KCNQ1: variants seen among roughly 807,000 people sequenced by gnomAD.
KCNQ1 encodes the protein potassium voltage-gated channel subfamily Q member 1.
Under a neutral mutation model 72.4 loss-of-function variants are expected in KCNQ1, and 49 were observed. The ratio of observed to expected loss-of-function variants is 0.68; its 90% CI spans 0.54 to 0.86. The LOEUF is 0.86. KCNQ1 is among the 40% of genes least tolerant of loss of function. The probability of loss-of-function intolerance (pLI) is 0.00; values close to 1 mark genes in which losing one functional copy is unlikely to be tolerated. For synonymous variants in KCNQ1, 450 were observed against 412.6 expected, an observed-to-expected ratio of 1.09 and a Z score of -1.10; for missense variants, 790 against 945.1, an observed-to-expected ratio of 0.84 and a Z score of 2.15.
chr11:2,802,053 G>A lies in KCNQ1; in HGVS notation c.1794+24016G>A, dbSNP rs1044625754. ...GGCTGGAGGCGATTTCGCCAGCTGCGGAGCGGGGCGCGGTGGGCACATTCA... is the reference window on the plus strand; with the variant it reads ...GGCTGGAGGCGATTTCGCCAGCTGCAGAGCGGGGCGCGGTGGGCACATTCA... On this transcript the variant is annotated intron_variant, in intron 15 of 15. Coordinates refer to ENST00000155840, the MANE Select transcript of KCNQ1 (RefSeq NM_000218.3). Among the ~76,000 whole-genome samples the A allele has an allele frequency of 1.2e-4, 18 of 152,338 alleles. No individual in the cohort carries two copies. The South Asian group carries it at 1.2e-3, about 11-fold the overall frequency.
chr11:2,554,655 CCT>C (rs1294221057), intron 2 of KCNQ1, among the ~76,000 whole-genome samples: 1 of 152,218 alleles, frequency 6.6e-6, no homozygotes, highest in Admixed American at 6.5e-5. Context: ...TTCTCTGTTT[CCT>C]TCCAGCTTTG....
At position 2,508,199 on chromosome 11, in the gene KCNQ1, C is replaced by T. The variant is rs1279004748; in HGVS notation, c.387-19729C>T. Among the ~76,000 whole-genome samples the T allele has an allele frequency of 6.6e-6, 1 of 152,212 alleles. No homozygotes were observed. The highest frequency in any genetic ancestry group is 1.5e-5 in the Non-Finnish European group (1 of 68,042). On this transcript the variant is annotated intron_variant, in intron 1 of 15. Transcript: ENST00000155840. The surrounding 1 kb of genome is among the most constrained non-coding windows in gnomAD (Gnocchi z 6.2). ...GTGAGGTTTGCAAACACTAGGCATGCATGTTTGAGGTACCACAACCTCCAC... is the reference window on the plus strand; with the variant it reads ...GTGAGGTTTGCAAACACTAGGCATGTATGTTTGAGGTACCACAACCTCCAC...
rs1190218086 is a variant in KCNQ1, at chr11:2,601,473, C to T, written c.1393+12619C>T. ...GTGGTAGCATCTTCTAAAACCATAGCACAATATGATAACCAGGATGTCAAC... is the reference window on the plus strand; with the variant it reads ...GTGGTAGCATCTTCTAAAACCATAGTACAATATGATAACCAGGATGTCAAC... On this transcript the variant is annotated intron_variant, in intron 10 of 15. Transcript: ENST00000155840. The surrounding 1 kb of genome is among the most constrained non-coding windows in gnomAD (Gnocchi z 5.2). Among the ~76,000 whole-genome samples the T allele has an allele frequency of 6.6e-6, 1 of 152,192 alleles. No individual in the cohort carries two copies. Among genetic ancestry groups the T allele is most frequent in the Admixed American group, 6.5e-5 (1 of 15,276 alleles).
At chr11:2,799,675 G>A (rs543631284) in intron 15 of KCNQ1, among the ~76,000 whole-genome samples, 1 of 152,288 alleles carries the variant, frequency 6.6e-6, no homozygotes, top group East Asian at 1.9e-4. Flanking sequence ...GCTGTCTGCA[G>A]GTAGTCACCG....
intron 11 of KCNQ1, among the ~76,000 whole-genome samples, chr11:2,705,301 G>A (rs1232049710): frequency 6.6e-6 from 1 of 152,298 alleles, no homozygotes; most frequent in African/African-American, 2.4e-5. Context: ...GGCAGCACGG[G>A]GTGTGGGCCA....
chr11:2,693,362 G>A (rs1027043307), intron 11 of KCNQ1: 1 of 398,730 alleles, frequency 2.5e-6, no homozygotes, highest in Admixed American at 4.4e-5. Flanking sequence ...GGTGGGGGCC[G>A]AGTCTGGCCA....
At chr11:2,448,201 T>C (rs1240313580) in intron 1 of KCNQ1, among the ~76,000 whole-genome samples, 1 of 152,190 alleles carries the variant, frequency 6.6e-6, no homozygotes, top group African/African-American at 2.4e-5. Context: ...GTTGCTGAGA[T>C]GCTTGGAGAT....
rs1190397337 is a variant in KCNQ1 at position 2,547,547 on chromosome 11, TAATA to T, written c.477+19530_477+19533del. ...CCGTGCCCAGCCTGTATTTTTGTCC[TAATA>T]GTTACCTTTATACATATGCCTTTCA... is the stretch of plus-strand genomic sequence containing the variant. On this transcript the variant is annotated intron_variant, in intron 2 of 15. Coordinates refer to ENST00000155840, the MANE Select transcript of KCNQ1 (RefSeq NM_000218.3). This position sits in a 1 kb window ranked among gnomAD's most constrained non-coding sequence, Gnocchi z 4.2. Among the ~76,000 whole-genome samples the T allele has an allele frequency of 1.3e-5, 2 of 152,240 alleles. No homozygotes were observed. The highest frequency in any genetic ancestry group is 2.9e-5 in the Non-Finnish European group (2 of 68,042).
At chr11:2,801,230 G>A (rs1206413168) in intron 15 of KCNQ1, among the ~76,000 whole-genome samples, 1 of 152,186 alleles carries the variant, frequency 6.6e-6, no homozygotes, top group Non-Finnish European at 1.5e-5. Context: ...CTGTCACGTG[G>A]AGCTGTCTGT....
Position 2,663,526 on chromosome 11 carries a change from C to A in KCNQ1, c.1514+1445C>A. The A allele has an allele frequency of 2.5e-6, 1 of 398,590 alleles. No homozygotes were observed. Among genetic ancestry groups the A allele is most frequent in the South Asian group, 1.3e-4 (1 of 7,844 alleles). The allele number at this position is 398,590 out of a possible 1,614,324, so 24.7% of individuals were successfully genotyped here. A position where few individuals can be genotyped will look rare whatever the true frequency, so the allele number is the denominator to read the frequency against. On this transcript the variant is annotated intron_variant, in intron 11 of 15. Coordinates refer to ENST00000155840, the MANE Select transcript of KCNQ1 (RefSeq NM_000218.3). The surrounding 1 kb of genome is among the most constrained non-coding windows in gnomAD (Gnocchi z 5.2). ...TGCCTGTATTGCCTCTTGGCTGTCC[C>A]CTCAGAGAGGGGACTGTCCCTTCTC...
chr11:2,582,589 C>T (rs1589964685), intron 6 of KCNQ1, among the ~76,000 whole-genome samples: 1 of 152,208 alleles, frequency 6.6e-6, no homozygotes, highest in Non-Finnish European at 1.5e-5. Context: ...GCTGCAAAGA[C>T]CTCCCGCAGC....
chr11:2,834,148 T>A (rs949100330), intron 15 of KCNQ1, among the ~76,000 whole-genome samples: 1 of 152,036 alleles, frequency 6.6e-6, no homozygotes, highest in Non-Finnish European at 1.5e-5. Flanking sequence ...GGCATGGTGG[T>A]GGCATGGTGG....
Position 2,450,254 on chromosome 11 carries a change from G to T in KCNQ1, c.386+4770G>T, listed in dbSNP as rs1846103501. Among the ~76,000 whole-genome samples the T allele has an allele frequency of 6.6e-6, 1 of 152,240 alleles. No homozygotes were observed. The highest frequency in any genetic ancestry group is 1.5e-5 in the Non-Finnish European group (1 of 68,036). ...TGGGAGGAGACAGCTCCCAAGGGCG[G>T]TGATGCCAGGAGAACATTCCAGGCC... On this transcript the variant is annotated intron_variant, in intron 1 of 15. Transcript: ENST00000155840. This position sits in a 1 kb window ranked among gnomAD's most constrained non-coding sequence, Gnocchi z 7.9.
At chr11:2,742,097 T>C (rs534570441) in intron 11 of KCNQ1, among the ~76,000 whole-genome samples, 2 of 152,314 alleles carry the variant, frequency 1.3e-5, no homozygotes, top group East Asian at 1.9e-4. Flanking sequence ...CATTAGAAGG[T>C]AGAAGGAAGA....
At chr11:2,448,214 T>C (rs1023239979) in intron 1 of KCNQ1, among the ~76,000 whole-genome samples, 3 of 152,186 alleles carry the variant, frequency 2.0e-5, no homozygotes, top group Admixed American at 1.3e-4. Flanking sequence ...TTGGAGATCC[T>C]GGTTGTGGCC....
rs540908111 is a variant in KCNQ1 at position 2,817,634 on chromosome 11, C to A, written c.1795-30133C>A. ...CAGAGCCCTGGGCATTAACTCAGGG[C>A]CATCACAGAGGTGGTGAGAGCTACC... On this transcript the variant is annotated intron_variant, in intron 15 of 15. Transcript: ENST00000155840. The surrounding 1 kb of genome is among the most constrained non-coding windows in gnomAD (Gnocchi z 6.1). Among the ~76,000 whole-genome samples, 159 of 143,158 alleles carry A rather than the reference C, an allele frequency of 1.1e-3. No individual in the cohort carries two copies. Among genetic ancestry groups the A allele is most frequent in the Non-Finnish European group, 2.1e-3 (132 of 63,342 alleles). 93.9% of individuals were successfully genotyped at this position (143,158 alleles called of 152,430 possible).
At position 2,679,349 on chromosome 11, in the gene KCNQ1, C is replaced by T. The variant is rs1160014902; in HGVS notation, c.1514+17268C>T. 2.5e-6 allele frequency: 1 copy of T among 398,624 alleles called. No individual in the cohort carries two copies. Among genetic ancestry groups the T allele is most frequent in the South Asian group, 1.3e-4 (1 of 7,858 alleles). The allele number at this position is 398,624 out of a possible 1,614,324, so 24.7% of individuals were successfully genotyped here. On this transcript the variant is annotated intron_variant, in intron 11 of 15. Transcript: ENST00000155840. This position sits in a 1 kb window ranked among gnomAD's most constrained non-coding sequence, Gnocchi z 4.8. ...ATATCCTAATTCCACTACTTTCTACCTGCTACACCTTGAGTGAGTCACTTA... is the reference window on the plus strand; with the variant it reads ...ATATCCTAATTCCACTACTTTCTACTTGCTACACCTTGAGTGAGTCACTTA...
chr11:2,803,119 C>A lies in KCNQ1; in HGVS notation c.1794+25082C>A, dbSNP rs1223762810. On this transcript the variant is annotated intron_variant, in intron 15 of 15. Transcript: ENST00000155840. This position sits in a 1 kb window ranked among gnomAD's most constrained non-coding sequence, Gnocchi z 6.4. ...AGTCAATGGTGAGGGGCAGAGTGAG[C>A]AAGGGGCTCAGGGTAGCCCAGAAAA... Among the ~76,000 whole-genome samples the A allele has an allele frequency of 1.3e-5, 2 of 151,534 alleles. No individual in the cohort carries two copies. Among genetic ancestry groups the A allele is most frequent in the Non-Finnish European group, 2.9e-5 (2 of 67,910 alleles).
At position 2,548,183 on chromosome 11, in the gene KCNQ1, A is replaced by T. The variant is rs56757944; in HGVS notation, c.477+20165A>T. On this transcript the variant is annotated intron_variant, in intron 2 of 15. Transcript: ENST00000155840. ...AGGTCTCTAAGCAGTGGCAGCTCAG[A>T]CCCGAGGTCCCAGGGTCATGCGTGT... Among the ~76,000 whole-genome samples, 913 of 152,228 alleles carry T rather than the reference A, an allele frequency of 6.0e-3. 10 individuals carry two copies. The highest frequency in any genetic ancestry group is 0.021 in the African/African-American group (869 of 41,506).
Sources: allele counts gnomAD v4.1 joint callset (sites outside exome capture counted in the v4.1 genomes callset), GRCh38; gene constraint gnomAD v4.1.1; non-coding constraint Gnocchi (gnomAD v3.1); transcripts MANE v1.5; gene names NCBI Gene and HGNC (gene_info 2026-07-23, HGNC 2026-07-21).